Variants in TMEM132C observed in about 807,000 individuals in gnomAD.
TMEM132C encodes protein phosphatase 1, regulatory subunit 152.
A neutral mutation model predicts 61.4 loss-of-function variants in TMEM132C; 29 were observed. The ratio of observed to expected loss-of-function variants is 0.47; its 90% CI spans 0.35 to 0.64. The LOEUF (loss-of-function observed/expected upper bound fraction) is 0.64, where lower values mean the gene tolerates loss of function less well. Among genes scored for constraint, TMEM132C ranks in the 30% least tolerant of loss-of-function variants. TMEM132C has a pLI of 0.00. For synonymous variants in TMEM132C, 656 were observed against 633.1 expected, an observed-to-expected ratio of 1.04 and a Z score of -0.54; for missense variants, 1,408 against 1,476.9, an observed-to-expected ratio of 0.95 and a Z score of 0.76.
chr12:128,704,569 G>A (rs1954823393), intron 8 of TMEM132C, among the ~76,000 whole-genome samples: 1 of 152,200 alleles, frequency 6.6e-6, no homozygotes. Context: ...TTCACTGGGG[G>A]CAGTGCAGGG....
chr12:128,439,774 T>C lies in TMEM132C; in HGVS notation c.974+24154T>C, dbSNP rs545894358. Among the ~76,000 whole-genome samples the C allele has an allele frequency of 5.3e-5, 8 of 152,092 alleles. No individual in the cohort carries two copies. In the South Asian group the frequency reaches 8.3e-4, roughly 16 times the overall value. ...GGAGGGGGTCAAAGGGAGGGCACAA[T>C]TGGATTTGACAGCATCCCCTACAGT... On this transcript the variant is annotated intron_variant, in intron 2 of 8. Transcript: ENST00000435159.
At chr12:128,699,309 G>T (rs1284873464) in intron 8 of TMEM132C, among the ~76,000 whole-genome samples, 1 of 152,188 alleles carries the variant, frequency 6.6e-6, no homozygotes, top group South Asian at 2.1e-4. Flanking sequence ...GGCTCAGCTG[G>T]GTTCATGCCC....
intron 3 of TMEM132C, among the ~76,000 whole-genome samples, chr12:128,600,706 T>C (rs1876153904): frequency 6.6e-6 from 1 of 152,162 alleles, no homozygotes; most frequent in African/African-American, 2.4e-5. Flanking sequence ...TGATCACAGG[T>C]GTGAGGGAAC....
At chr12:128,615,868 C>A (rs1280143038) in intron 3 of TMEM132C, among the ~76,000 whole-genome samples, 2 of 152,214 alleles carry the variant, frequency 1.3e-5, no homozygotes, top group South Asian at 2.1e-4. Context: ...AGCTCATCAT[C>A]TGCAGAGCTG....
rs972966084 is a variant in TMEM132C, at chr12:128,415,070, C to T, written c.424C>T (p.Leu142=). The T allele has an allele frequency of 6.3e-7, 1 of 1,599,754 alleles. No individual in the cohort carries two copies. Among genetic ancestry groups the T allele is most frequent in the Non-Finnish European group, 8.5e-7 (1 of 1,172,920 alleles). The change falls in exon 2 of 9, where the codon CTG becomes TTG. Residue 142 remains leucine, a synonymous_variant. Coordinates refer to ENST00000435159, the MANE Select transcript of TMEM132C (RefSeq NM_001136103.3). The surrounding 1 kb of genome is among the most constrained non-coding windows in gnomAD (Gnocchi z 5.8). ...CCACATCCTGCGGGACAAAGTCTAC[C>T]TGAGCCGGCCCAAAGTGCAGGTTCT... ...KAHILRDKVY[L]SRPKVQVLFH...
intron 3 of TMEM132C, among the ~76,000 whole-genome samples, chr12:128,610,099 G>C (rs2135579848): frequency 6.6e-6 from 1 of 152,320 alleles, no homozygotes; most frequent in African/African-American, 2.4e-5. Context: ...TGACATTAGG[G>C]TCAATGAGAC....
At chr12:128,509,095 G>A (rs898431563) in intron 2 of TMEM132C, among the ~76,000 whole-genome samples, 2 of 152,150 alleles carry the variant, frequency 1.3e-5, no homozygotes, top group African/African-American at 4.8e-5. Flanking sequence ...AGGACAGTGG[G>A]CTGGCCTAGG....
chr12:128,691,542 A>G (rs1415462724), intron 5 of TMEM132C, among the ~76,000 whole-genome samples: 1 of 151,926 alleles, frequency 6.6e-6, no homozygotes, highest in Non-Finnish European at 1.5e-5. Context: ...CCATCTTTCC[A>G]TCCATCCATC....
chr12:128,632,895 G>A (rs563190398), intron 4 of TMEM132C, among the ~76,000 whole-genome samples: 10 of 152,204 alleles, frequency 6.6e-5, no homozygotes, highest in Non-Finnish European at 1.3e-4. Flanking sequence ...ACCCTTTCAA[G>A]GAGTCTGTGA....
At chr12:128,507,209 G>A (rs966245733) in intron 2 of TMEM132C, among the ~76,000 whole-genome samples, 4 of 151,974 alleles carry the variant, frequency 2.6e-5, no homozygotes, top group African/African-American at 7.3e-5. Flanking sequence ...CCGGGTGACC[G>A]CTGTTCCTGT....
intron 1 of TMEM132C, among the ~76,000 whole-genome samples, chr12:128,406,843 C>G (rs1875365433): frequency 6.6e-6 from 1 of 152,152 alleles, no homozygotes; most frequent in Admixed American, 6.5e-5. Context: ...GCCAAGTGGA[C>G]CAGAACATCT....
intron 1 of TMEM132C, among the ~76,000 whole-genome samples, chr12:128,322,902 G>A (rs949702579): frequency 1.4e-4 from 21 of 152,082 alleles, no homozygotes; most frequent in African/African-American, 4.1e-4. Context: ...ATAGGCCCAG[G>A]GAAGATTAAA....
At chr12:128,480,018 G>T (rs755771290) in intron 2 of TMEM132C, among the ~76,000 whole-genome samples, 62 of 152,300 alleles carry the variant, frequency 4.1e-4, no homozygotes, top group Non-Finnish European at 5.4e-4. Flanking sequence ...AGCACTTGGG[G>T]AGGCTGATGT....
At chr12:128,568,854 G>A (rs1874784043) in intron 3 of TMEM132C, among the ~76,000 whole-genome samples, 1 of 152,190 alleles carries the variant, frequency 6.6e-6, no homozygotes, top group Non-Finnish European at 1.5e-5. Context: ...GAAAACCACA[G>A]TCAATGTGAA....
At chr12:128,539,382 C>T (rs955499038) in intron 2 of TMEM132C, among the ~76,000 whole-genome samples, 1 of 152,078 alleles carries the variant, frequency 6.6e-6, no homozygotes, top group African/African-American at 2.4e-5. Context: ...TTTGAGAGGC[C>T]GAGGTGGGCG....
At chr12:128,616,459 C>G (rs1160171505) in intron 4 of TMEM132C, 124 bp downstream of exon 4, 18 of 1,008,196 alleles carry the variant, frequency 1.8e-5, no homozygotes, top group Non-Finnish European at 2.5e-5. Flanking sequence ...CAAAGTTTCT[C>G]GTCTTTCCTC....
intron 2 of TMEM132C, among the ~76,000 whole-genome samples, chr12:128,484,461 A>G (rs77108299): frequency 0.058 from 8,864 of 152,206 alleles, 822 homozygotes; most frequent in African/African-American, 0.19. Context: ...TCCATGTTCC[A>G]TATATGATGA....
chr12:128,387,434 T>C (rs1431226597), intron 1 of TMEM132C, among the ~76,000 whole-genome samples: 4 of 152,226 alleles, frequency 2.6e-5, no homozygotes, highest in Non-Finnish European at 4.4e-5. Flanking sequence ...TGCTTTGCCC[T>C]GCAAGGCTTT....
intron 1 of TMEM132C, among the ~76,000 whole-genome samples, chr12:128,362,759 G>A (rs781421714): frequency 6.6e-6 from 1 of 152,192 alleles, no homozygotes; most frequent in South Asian, 2.1e-4. Flanking sequence ...TTTCAGGTTA[G>A]GAATGCTAAA....
Sources: allele counts gnomAD v4.1 joint callset (sites outside exome capture counted in the v4.1 genomes callset), GRCh38; gene constraint gnomAD v4.1.1; non-coding constraint Gnocchi (gnomAD v3.1); transcripts MANE v1.5; gene names NCBI Gene and HGNC (gene_info 2026-07-23, HGNC 2026-07-21).